IQCM: variants seen among roughly 807,000 people sequenced by gnomAD.
IQCM encodes IQ motif containing M, also known as IQ domain-containing protein M.
Under a neutral mutation model 57.6 loss-of-function variants are expected in IQCM, and 45 were observed. The observed-to-expected ratio is 0.78, with a 90% CI of 0.62 to 1.00. The LOEUF (loss-of-function observed/expected upper bound fraction) is 1.00, where lower values mean the gene tolerates loss of function less well. Among genes scored for constraint, IQCM ranks in the 50% least tolerant of loss-of-function variants. The probability of loss-of-function intolerance (pLI) is 0.00; values close to 1 mark genes in which losing one functional copy is unlikely to be tolerated. For missense variants in IQCM, 468 were observed against 511.6 expected, an observed-to-expected ratio of 0.91 and a Z score of 0.82; for synonymous variants, 148 against 158.9, an observed-to-expected ratio of 0.93 and a Z score of 0.51.
chr4:149,591,325 T>G (rs766017436), intron 8 of IQCM, among the ~76,000 whole-genome samples: 1 of 152,072 alleles, frequency 6.6e-6, no homozygotes, highest in Non-Finnish European at 1.5e-5. Context: ...ACCATAAACC[T>G]TTAGCCTTCA....
intron 2 of IQCM, among the ~76,000 whole-genome samples, chr4:149,805,082 G>T (rs536490803): frequency 3.3e-5 from 5 of 152,174 alleles, no homozygotes; most frequent in Non-Finnish European, 7.4e-5. Flanking sequence ...CATTCATAAA[G>T]CTGTCAAGCC....
At chr4:149,357,664 T>A (rs2110893778) in intron 13 of IQCM, among the ~76,000 whole-genome samples, 1 of 152,304 alleles carries the variant, frequency 6.6e-6, no homozygotes, top group African/African-American at 2.4e-5. Context: ...TTATCGAGGA[T>A]TTTTGCACCA....
intron 7 of IQCM, among the ~76,000 whole-genome samples, chr4:149,632,170 A>G (rs1204092264): frequency 2.6e-5 from 4 of 152,214 alleles, no homozygotes; most frequent in South Asian, 4.1e-4. Flanking sequence ...ATGACTTTCC[A>G]TGATATCTTC....
chr4:149,374,568 C>T (rs996570569), intron 13 of IQCM, among the ~76,000 whole-genome samples: 2 of 152,058 alleles, frequency 1.3e-5, no homozygotes, highest in African/African-American at 2.4e-5. Flanking sequence ...AACATTCCAG[C>T]TTAGGAATGT....
At chr4:149,414,716 A>C (rs1057291472) in intron 13 of IQCM, among the ~76,000 whole-genome samples, 51 of 152,174 alleles carry the variant, frequency 3.4e-4, no homozygotes, top group African/African-American at 1.2e-3. Flanking sequence ...AAAAATTCAA[A>C]ATTTTTTAAA....
intron 11 of IQCM, among the ~76,000 whole-genome samples, chr4:149,549,989 A>C (rs1354156512): frequency 2.0e-5 from 3 of 152,246 alleles, no homozygotes; most frequent in Non-Finnish European, 4.4e-5. Context: ...TGAAATAAGC[A>C]AACTAGAGCA....
intron 5 of IQCM, among the ~76,000 whole-genome samples, chr4:149,688,940 C>T (rs1762746784): frequency 6.6e-6 from 1 of 151,996 alleles, no homozygotes; most frequent in Admixed American, 6.6e-5. Flanking sequence ...TCACCTTATA[C>T]AAAAATCAAC....
At chr4:149,424,836 C>A (rs375584656) in intron 13 of IQCM, among the ~76,000 whole-genome samples, 1 of 151,892 alleles carries the variant, frequency 6.6e-6, no homozygotes, top group African/African-American at 2.4e-5. Context: ...ATAAATAAAT[C>A]CATATGCATT....
chr4:149,572,870 T>A (rs1462569622), intron 9 of IQCM, among the ~76,000 whole-genome samples: 13 of 152,002 alleles, frequency 8.6e-5, no homozygotes. Flanking sequence ...AAAGTTTGGT[T>A]CAAGATGCAT....
rs564464416 is a variant in IQCM at position 149,804,762 on chromosome 4, T to C, written c.-49+10549A>G. ...TCTATCGTGGTCTTTTCTAGTAACA[T>C]GTGAGATAAACAGTTGTGCAGTGGG... is the stretch of plus-strand genomic sequence containing the variant. On this transcript the variant is annotated intron_variant, in intron 2 of 13. Coordinates refer to ENST00000636793, the MANE Select transcript of IQCM (RefSeq NM_001363507.2). Among the ~76,000 whole-genome samples the C allele has an allele frequency of 2.0e-5, 3 of 152,222 alleles. No individual in the cohort carries two copies. In the East Asian group the frequency reaches 5.8e-4, roughly 29 times the overall value.
chr4:149,647,503 A>G (rs1165911637), intron 7 of IQCM, among the ~76,000 whole-genome samples: 5 of 152,088 alleles, frequency 3.3e-5, no homozygotes, highest in Non-Finnish European at 7.4e-5. Context: ...AAACATAGTA[A>G]GGTTATTATT....
At chr4:149,372,595 T>A (rs1383257848) in intron 13 of IQCM, among the ~76,000 whole-genome samples, 3 of 152,138 alleles carry the variant, frequency 2.0e-5, no homozygotes, top group Admixed American at 6.6e-5. Context: ...AAGGTGTACA[T>A]GCAGATTGGG....
intron 8 of IQCM, among the ~76,000 whole-genome samples, chr4:149,618,903 T>C (rs1756036582): frequency 6.6e-6 from 1 of 152,060 alleles, no homozygotes; most frequent in Admixed American, 6.6e-5. Flanking sequence ...GTACACCCTC[T>C]ATGGGAAACA....
At chr4:149,448,394 G>A (rs1736736971) in intron 12 of IQCM, among the ~76,000 whole-genome samples, 1 of 151,316 alleles carries the variant, frequency 6.6e-6, no homozygotes, top group Non-Finnish European at 1.5e-5. Flanking sequence ...GCCTATATTA[G>A]AAAAGAAATA....
intron 8 of IQCM, among the ~76,000 whole-genome samples, chr4:149,611,047 A>G (rs2150052833): frequency 6.6e-6 from 1 of 152,242 alleles, no homozygotes. Context: ...TAAAATAGGC[A>G]AAATATCTGA....
chr4:149,507,895 G>A (rs1743989513), intron 12 of IQCM, among the ~76,000 whole-genome samples: 1 of 152,030 alleles, frequency 6.6e-6, no homozygotes, highest in Non-Finnish European at 1.5e-5. Context: ...AGGGAAAAAT[G>A]GTTTGGTGGG....
intron 13 of IQCM, among the ~76,000 whole-genome samples, chr4:149,359,897 GTATC>G (rs1288498670): frequency 6.6e-6 from 1 of 152,134 alleles, no homozygotes; most frequent in Non-Finnish European, 1.5e-5. Flanking sequence ...AGGTCATTGA[GTATC>G]TACTGAGTCC....
At chr4:149,496,082 C>A (rs879907304) in intron 12 of IQCM, among the ~76,000 whole-genome samples, 2 of 151,994 alleles carry the variant, frequency 1.3e-5, no homozygotes, top group Non-Finnish European at 2.9e-5. Context: ...AAGTGGGCAT[C>A]TTTGAGAAAT....
At chr4:149,420,428 G>T (rs146680112) in intron 13 of IQCM, among the ~76,000 whole-genome samples, 1,925 of 152,128 alleles carry the variant, frequency 0.013, 32 homozygotes, top group Middle Eastern at 0.027. Flanking sequence ...GCTGAAAAAT[G>T]AGAACACATG....
Sources: gnomAD v4.1 joint callset for allele counts (sites outside exome capture counted in the v4.1 genomes callset) on GRCh38, gnomAD v4.1.1 for gene constraint, MANE v1.5 for transcripts, NCBI Gene and HGNC (gene_info 2026-07-23, HGNC 2026-07-21) for gene names.